The following NTNG1 variants were observed in gnomAD, a reference collection of about 807,000 sequenced individuals.
The protein encoded by NTNG1 is netrin-G1.
NTNG1 carries 16 observed loss-of-function variants against 54.0 expected under a neutral mutation model. The observed-to-expected ratio is 0.30, with a 90% CI of 0.20 to 0.45. The LOEUF (loss-of-function observed/expected upper bound fraction) is 0.45, where lower values mean the gene tolerates loss of function less well. Among genes scored for constraint, NTNG1 ranks in the 20% least tolerant of loss-of-function variants. The probability of loss-of-function intolerance (pLI) is 1.00; values close to 1 mark genes in which losing one functional copy is unlikely to be tolerated. For missense variants in NTNG1, 530 were observed against 678.7 expected, an observed-to-expected ratio of 0.78 and a Z score of 2.43; for synonymous variants, 255 against 263.1, an observed-to-expected ratio of 0.97 and a Z score of 0.30.
chr1:107,424,451 G>T lies in NTNG1; in HGVS notation c.1088-6299G>T, dbSNP rs927073579. ...GAAGCCATTAGAATGATGAGCAGAG[G>T]CATGTCATGACCTCACTAAAGTTTT... On this transcript the variant is annotated intron_variant, in intron 5 of 7. Coordinates refer to ENST00000370068, the MANE Select transcript of NTNG1 (RefSeq NM_001113226.3). 2.0e-5 allele frequency among the ~76,000 whole-genome samples: 3 copies of T among 152,134 alleles called. No individual in the cohort carries two copies. In the East Asian group the frequency reaches 5.8e-4, roughly 29 times the overall value.
chr1:107,338,259 G>A lies in NTNG1; in HGVS notation c.887+13337G>A, dbSNP rs77961847. 5.6e-3 allele frequency among the ~76,000 whole-genome samples: 846 copies of A among 152,020 alleles called. 7 individuals are homozygous for A. The highest frequency in any genetic ancestry group is 0.019 in the African/African-American group (798 of 41,478). On this transcript the variant is annotated intron_variant, in intron 3 of 7. Transcript: ENST00000370068. ...GTAGGTTTTAATAATACAGAAAGTA[G>A]GTTTGCCCCTAACATTTGCAAGGTT...
rs185100951 is a variant in NTNG1, at chr1:107,215,599, C to T, written c.246+66760C>T. On this transcript the variant is annotated intron_variant, in intron 2 of 7. Coordinates refer to ENST00000370068, the MANE Select transcript of NTNG1 (RefSeq NM_001113226.3). ...CAGATTTGTTTTTTTTGCTTAGTCT[C>T]GCTTTGGCCATGCAGGCTTTTGTTG... is the stretch of plus-strand genomic sequence containing the variant. 2.2e-4 allele frequency among the ~76,000 whole-genome samples: 34 copies of T among 151,922 alleles called. No homozygotes were observed. The East Asian group carries it at 2.7e-3, about 12-fold the overall frequency.
At chr1:107,313,409 C>T (rs771257338) in intron 2 of NTNG1, among the ~76,000 whole-genome samples, 2 of 152,070 alleles carry the variant, frequency 1.3e-5, no homozygotes, top group Non-Finnish European at 2.9e-5. Context: ...GTTTGAAATT[C>T]TTGTGGAGCA....
At chr1:107,413,892 C>T (rs1674014703) in intron 5 of NTNG1, among the ~76,000 whole-genome samples, 1 of 151,880 alleles carries the variant, frequency 6.6e-6, no homozygotes, top group Non-Finnish European at 1.5e-5. Flanking sequence ...ATAAATTAAA[C>T]TAAAATATGA....
At chr1:107,214,953 C>T (rs913336672) in intron 2 of NTNG1, among the ~76,000 whole-genome samples, 20 of 151,472 alleles carry the variant, frequency 1.3e-4, no homozygotes, top group Admixed American at 9.9e-4. Flanking sequence ...TCTATTTTGT[C>T]CTTAGCCCAC....
At chr1:107,303,977 G>A (rs773798667) in intron 2 of NTNG1, among the ~76,000 whole-genome samples, 46 of 150,570 alleles carry the variant, frequency 3.1e-4, no homozygotes, top group Non-Finnish European at 5.9e-4. Flanking sequence ...GAGCCACCGC[G>A]CCCGCCTCTA....
intron 3 of NTNG1, among the ~76,000 whole-genome samples, chr1:107,372,352 G>A (rs946874953): frequency 6.6e-6 from 1 of 151,782 alleles, no homozygotes. Context: ...TTTTAGTACT[G>A]TTTCAAAAAT....
chr1:107,214,635 C>CCAGGATATCTA lies in NTNG1; in HGVS notation c.246+65798_246+65808dup, dbSNP rs1316816226. Reference sequence around the variant, plus strand: ...GACTTCTTTTCCTCTGGGTGGATACCCAGGATATCTACCTTGATCCATTTG... The same window carrying CCAGGATATCTA: ...GACTTCTTTTCCTCTGGGTGGATACCCAGGATATCTACAGGATATCTACCTTGATCCATTTG... On this transcript the variant is annotated intron_variant, in intron 2 of 7. Transcript: ENST00000370068. 2.6e-5 allele frequency among the ~76,000 whole-genome samples: 4 copies of CCAGGATATCTA among 152,082 alleles called. No individual in the cohort carries two copies. In the East Asian group the frequency reaches 7.7e-4, roughly 29 times the overall value.
chr1:107,293,848 C>T (rs1189277961), intron 2 of NTNG1, among the ~76,000 whole-genome samples: 1 of 152,056 alleles, frequency 6.6e-6, no homozygotes, highest in Non-Finnish European at 1.5e-5. Context: ...TTTACTGCAG[C>T]ATTAAAAGTG....
intron 2 of NTNG1, among the ~76,000 whole-genome samples, chr1:107,237,860 G>A (rs1374902741): frequency 6.6e-6 from 1 of 152,238 alleles, no homozygotes; most frequent in African/African-American, 2.4e-5. Context: ...CCAAAAGTTT[G>A]CTGCAGGGAT....
chr1:107,365,472 TA>T (rs1163891729), intron 3 of NTNG1, among the ~76,000 whole-genome samples: 7 of 151,878 alleles, frequency 4.6e-5, no homozygotes, highest in South Asian at 2.1e-4. Context: ...TAAAGGATAA[TA>T]AAAAAAATTG....
intron 2 of NTNG1, among the ~76,000 whole-genome samples, chr1:107,254,098 C>T (rs1369395978): frequency 6.6e-6 from 1 of 152,168 alleles, no homozygotes; most frequent in African/African-American, 2.4e-5. Context: ...CATCACTTCT[C>T]AAAGCCCAGG....
intron 2 of NTNG1, among the ~76,000 whole-genome samples, chr1:107,250,019 T>G (rs1662485645): frequency 1.3e-5 from 2 of 152,120 alleles, no homozygotes. Flanking sequence ...CAGGGAGAAG[T>G]GCTTTTCTTG....
intron 5 of NTNG1, among the ~76,000 whole-genome samples, chr1:107,414,337 G>A (rs1211351896): frequency 6.6e-6 from 1 of 152,110 alleles, no homozygotes; most frequent in Non-Finnish European, 1.5e-5. Context: ...TCATGTAACA[G>A]TTTGGGGGTG....
At chr1:107,189,974 T>C (rs1346013154) in intron 2 of NTNG1, among the ~76,000 whole-genome samples, 1 of 152,152 alleles carries the variant, frequency 6.6e-6, no homozygotes, top group Middle Eastern at 3.2e-3. Flanking sequence ...TACAATAGAA[T>C]ATTAGCCTTA....
Position 107,317,826 on chromosome 1 carries a change from C to T in NTNG1, c.247-6456C>T, listed in dbSNP as rs146029870. 1.1e-4 allele frequency among the ~76,000 whole-genome samples: 16 copies of T among 152,272 alleles called. No individual in the cohort carries two copies. The East Asian group carries it at 2.3e-3, about 22-fold the overall frequency. ...CTTCAATCAGGCCCTAAGCTGGTGTCTATGCCAGCGGGGAATCTCTGTGAT... is the reference window on the plus strand; with the variant it reads ...CTTCAATCAGGCCCTAAGCTGGTGTTTATGCCAGCGGGGAATCTCTGTGAT... On this transcript the variant is annotated intron_variant, in intron 2 of 7. Coordinates refer to ENST00000370068, the MANE Select transcript of NTNG1 (RefSeq NM_001113226.3).
At chr1:107,185,112 A>G (rs888570109) in intron 2 of NTNG1, among the ~76,000 whole-genome samples, 4 of 152,188 alleles carry the variant, frequency 2.6e-5, no homozygotes, top group African/African-American at 7.2e-5. Flanking sequence ...TGGTGAACTC[A>G]GAGTAGTCAA....
intron 5 of NTNG1, among the ~76,000 whole-genome samples, chr1:107,421,593 G>T (rs768138360): frequency 2.2e-4 from 34 of 152,028 alleles, no homozygotes; most frequent in Non-Finnish European, 3.4e-4. Flanking sequence ...CCAAAAAATT[G>T]TTTCGAATAA....
chr1:107,155,938 G>T (rs186697907), intron 2 of NTNG1, among the ~76,000 whole-genome samples: 70 of 152,192 alleles, frequency 4.6e-4, no homozygotes, highest in Middle Eastern at 3.4e-3. Flanking sequence ...GTTTCCTATA[G>T]TATTCAGTAT....
Sources: gnomAD v4.1 joint callset for allele counts (sites outside exome capture counted in the v4.1 genomes callset) on GRCh38, gnomAD v4.1.1 for gene constraint, MANE v1.5 for transcripts, NCBI Gene and HGNC (gene_info 2026-07-23, HGNC 2026-07-21) for gene names.